Variants in AKAP19 observed in about 807,000 individuals in gnomAD.
The protein encoded by AKAP19 is small A-kinase anchoring protein.
chr2:189,895,306 A>G, the AKAP19 span, among the ~76,000 whole-genome samples: 1 of 152,040 alleles, frequency 6.6e-6, no homozygotes, highest in Non-Finnish European at 1.5e-5. Flanking sequence ...ATGCCTGGAT[A>G]CTCCAGCTGG....
the AKAP19 span, among the ~76,000 whole-genome samples, chr2:190,035,137 A>G: frequency 6.6e-5 from 10 of 152,084 alleles, no homozygotes; most frequent in African/African-American, 1.2e-4. Context: ...ACAGTTGTAT[A>G]TGTGTTCAAG....
the AKAP19 span, among the ~76,000 whole-genome samples, chr2:190,160,887 G>A: frequency 0.78 from 117,971 of 152,032 alleles, 46,213 homozygotes; most frequent in East Asian, 0.99. Context: ...TTACATTTAC[G>A]TGAAAGTCTA....
the AKAP19 span, among the ~76,000 whole-genome samples, chr2:190,072,132 A>G: frequency 6.6e-6 from 1 of 152,224 alleles, no homozygotes; most frequent in Non-Finnish European, 1.5e-5. Flanking sequence ...GCTGGAGGCC[A>G]TTATCCTAAG....
chr2:190,184,021 A>G, the AKAP19 span, among the ~76,000 whole-genome samples: 1 of 152,104 alleles, frequency 6.6e-6, no homozygotes, highest in Non-Finnish European at 1.5e-5. Context: ...CACAACATGC[A>G]CTAAGTCGGT....
the AKAP19 span, among the ~76,000 whole-genome samples, chr2:190,144,106 G>T: frequency 6.7e-6 from 1 of 149,690 alleles, no homozygotes; most frequent in African/African-American, 2.5e-5. Flanking sequence ...CACCAGCATG[G>T]CACATGTATA....
the AKAP19 span, chr2:190,062,201 T>C: frequency 1.2e-6 from 2 of 1,611,652 alleles, no homozygotes; most frequent in South Asian, 2.2e-5. Flanking sequence ...GAACTGTTGA[T>C]ATACACTAAT....
the AKAP19 span, among the ~76,000 whole-genome samples, chr2:190,121,311 C>T: frequency 6.6e-6 from 1 of 151,980 alleles, no homozygotes; most frequent in Non-Finnish European, 1.5e-5. Context: ...CAGGGTCTCT[C>T]TATGTTGCCC....
chr2:190,190,859 C>G, the AKAP19 span, among the ~76,000 whole-genome samples: 1 of 152,142 alleles, frequency 6.6e-6, no homozygotes, highest in African/African-American at 2.4e-5. Flanking sequence ...TTTGTTACAG[C>G]CACCACCACA....
the AKAP19 span, among the ~76,000 whole-genome samples, chr2:189,939,428 T>C: frequency 6.6e-6 from 1 of 151,770 alleles, no homozygotes. Flanking sequence ...AAAAAAAAAG[T>C]AAATTGCAAA....
the AKAP19 span, among the ~76,000 whole-genome samples, chr2:190,006,190 T>C: frequency 6.6e-5 from 10 of 152,204 alleles, no homozygotes; most frequent in Non-Finnish European, 1.2e-4. Context: ...AACTTGAGAA[T>C]CCTCAAGAAT....
chr2:189,930,271 A>C, the AKAP19 span: 1 of 433,008 alleles, frequency 2.3e-6, no homozygotes, highest in Non-Finnish European at 3.7e-6. Context: ...CTGGCTCAAT[A>C]GTCTAGGTTG....
At chr2:190,182,219 C>T in the AKAP19 span, among the ~76,000 whole-genome samples, 2 of 152,166 alleles carry the variant, frequency 1.3e-5, no homozygotes, top group Non-Finnish European at 2.9e-5. Flanking sequence ...CTTGTTTACG[C>T]TGAACTGACA....
the AKAP19 span, among the ~76,000 whole-genome samples, chr2:190,128,616 T>A: frequency 2.0e-5 from 3 of 152,342 alleles, no homozygotes; most frequent in Non-Finnish European, 2.9e-5. Flanking sequence ...ATGTACGTCT[T>A]CAATGAATGC....
the AKAP19 span, chr2:190,200,064 TATCTTGTGTGATGCCTTGCAG>T: frequency 6.2e-7 from 1 of 1,614,000 alleles, no homozygotes; most frequent in Non-Finnish European, 8.5e-7. Context: ...TGTCTCAGGA[TATCTTGTGTGATGCCTTGCAG>T]CAATGGGCAT....
At chr2:190,055,554 G>A in the AKAP19 span, 1 of 152,100 alleles carries the variant, frequency 6.6e-6, no homozygotes, top group African/African-American at 2.4e-5. Flanking sequence ...AACTTGACCA[G>A]GACCAATTTA....
the AKAP19 span, among the ~76,000 whole-genome samples, chr2:190,070,074 A>G: frequency 6.6e-6 from 1 of 152,210 alleles, no homozygotes; most frequent in East Asian, 1.9e-4. Flanking sequence ...AAAATGAACA[A>G]ATTAGGTCAG....
chr2:190,064,196 C>T, the AKAP19 span, among the ~76,000 whole-genome samples: 97 of 152,088 alleles, frequency 6.4e-4, no homozygotes, highest in African/African-American at 1.9e-3. Context: ...AATGGCCTTA[C>T]ATAATGCATT....
At chr2:190,066,822 T>G in the AKAP19 span, among the ~76,000 whole-genome samples, 1 of 152,208 alleles carries the variant, frequency 6.6e-6, no homozygotes, top group South Asian at 2.1e-4. Flanking sequence ...TATGTATGTG[T>G]GAATTCATGT....
At chr2:189,941,352 C>T in the AKAP19 span, among the ~76,000 whole-genome samples, 1 of 152,100 alleles carries the variant, frequency 6.6e-6, no homozygotes, top group Non-Finnish European at 1.5e-5. Flanking sequence ...GAGATCCACT[C>T]GTAACTCCAG....
Sources: gnomAD v4.1 joint callset for allele counts (sites outside exome capture counted in the v4.1 genomes callset) on GRCh38, gnomAD v4.1.1 for gene constraint, MANE v1.5 for transcripts, NCBI Gene and HGNC (gene_info 2026-07-23, HGNC 2026-07-21) for gene names.